The following NTNG2 variants were observed in gnomAD, a reference collection of about 807,000 sequenced individuals.
NTNG2 encodes the protein netrin-G2.
NTNG2 carries 15 observed loss-of-function variants against 47.6 expected under a neutral mutation model. The observed-to-expected ratio is 0.32, with a 90% CI of 0.21 to 0.49. The LOEUF is 0.49. Among genes scored for constraint, NTNG2 ranks in the 20% least tolerant of loss-of-function variants. NTNG2 has a pLI of 0.99. For missense variants in NTNG2, 578 were observed against 764.6 expected (o/e 0.76, Z 2.88); for synonymous variants, 307 against 324.6 (o/e 0.95, Z 0.58).
rs112179857 is a variant in NTNG2, at chr9:132,162,555, T to TGTGTGA, written c.-484+317_-484+318insTGTGAG. Among the ~76,000 whole-genome samples, 1,266 of 139,462 alleles carry TGTGTGA rather than the reference T, an allele frequency of 9.1e-3. 47 individuals are homozygous for TGTGTGA. The highest frequency in any genetic ancestry group is 0.032 in the African/African-American group (1,183 of 36,854). 91.5% of individuals were successfully genotyped at this position (139,462 alleles called of 152,430 possible). A position where few individuals can be genotyped will look rare whatever the true frequency, so the allele number is the denominator to read the frequency against. On this transcript the variant is annotated intron_variant, in intron 1 of 7. Transcript: ENST00000393229. This position sits in a 1 kb window ranked among gnomAD's most constrained non-coding sequence, Gnocchi z 4.6. ...GTGAGAGTGTGTGTGTGTGTGTGTG[T>TGTGTGA]GAGAGAGAGACAGAGTGTGTGTGTG...
At chr9:132,216,661 G>T (rs77920123) in intron 3 of NTNG2, among the ~76,000 whole-genome samples, 1 of 152,156 alleles carries the variant, frequency 6.6e-6, no homozygotes. Flanking sequence ...GTGCTGTGTC[G>T]GGGGATCAGG....
In NTNG2 at chr9:132,226,934, G is replaced by T; in HGVS notation, c.943G>T (p.Asp315Tyr). Residue 315 changes from aspartate to tyrosine, a missense_variant, in exon 4 of 8, where the codon GAC becomes TAC. By Grantham distance (160) the Asp-to-Tyr change is radical. Transcript: ENST00000393229. This position sits in a 1 kb window ranked among gnomAD's most constrained non-coding sequence, Gnocchi z 4.8. ...CECEHNTTGP[D>Y]CGKCKKNFRT... ...GTGCGAGCACAACACCACCGGCCCC[G>T]ACTGCGGCAAGTGCAAGAAGAATTT... is the stretch of plus-strand genomic sequence containing the variant. The T allele has an allele frequency of 6.2e-7, 1 of 1,612,846 alleles. No homozygotes were observed. The highest frequency in any genetic ancestry group is 1.7e-5 in the Admixed American group (1 of 59,978).
intron 2 of NTNG2, among the ~76,000 whole-genome samples, chr9:132,174,343 G>A (rs1353751198): frequency 2.8e-5 from 4 of 140,922 alleles, no homozygotes; most frequent in South Asian, 4.7e-4. Flanking sequence ...CAGACAGGTC[G>A]AACCATGCTG....
chr9:132,196,587 G>C (rs1035722148), intron 2 of NTNG2, among the ~76,000 whole-genome samples: 2 of 152,128 alleles, frequency 1.3e-5, no homozygotes, highest in African/African-American at 2.4e-5. Flanking sequence ...CCCTGTGCTC[G>C]GCCTAGTCAT....
Position 132,241,867 on chromosome 9 carries a change from C to A in NTNG2, c.1358-9C>A. On this transcript the variant is annotated splice_polypyrimidine_tract_variant and intron_variant, in intron 7 of 7. Transcript: ENST00000393229. ...CACCCCCCGTGCTGACCGCCCCCTC[C>A]GCCTGCAGCCAACGTGTGCGACGAC... The A allele has an allele frequency of 6.4e-7, 1 of 1,554,526 alleles. No homozygotes were observed. The highest frequency in any genetic ancestry group is 8.6e-7 in the Non-Finnish European group (1 of 1,156,754).
Position 132,180,726 on chromosome 9 carries a change from A to G in NTNG2, c.213+13682A>G, listed in dbSNP as rs1291803521. Among the ~76,000 whole-genome samples, 2 of 152,204 alleles carry G rather than the reference A, an allele frequency of 1.3e-5. No individual in the cohort carries two copies. Among genetic ancestry groups the G allele is most frequent in the African/African-American group, 4.8e-5 (2 of 41,446 alleles). On this transcript the variant is annotated intron_variant, in intron 2 of 7. Coordinates refer to ENST00000393229, the MANE Select transcript of NTNG2 (RefSeq NM_032536.4). This position sits in a 1 kb window ranked among gnomAD's most constrained non-coding sequence, Gnocchi z 4.2. Reference sequence around the variant, plus strand: ...AGAGAAAGAACGATAGAGAGATGCAATAACCTCCCAGCATCCAGGAAGACC... The same window carrying G: ...AGAGAAAGAACGATAGAGAGATGCAGTAACCTCCCAGCATCCAGGAAGACC...
intron 2 of NTNG2, among the ~76,000 whole-genome samples, chr9:132,191,261 C>A (rs1187432963): frequency 2.0e-5 from 3 of 152,130 alleles, no homozygotes; most frequent in South Asian, 2.1e-4. Context: ...CATGCACAAG[C>A]CTGGTGGTCT....
At chr9:132,177,289 T>C (rs992053292) in intron 2 of NTNG2, among the ~76,000 whole-genome samples, 3 of 152,134 alleles carry the variant, frequency 2.0e-5, no homozygotes, top group African/African-American at 7.2e-5. Flanking sequence ...GCCCAGCCTA[T>C]TTTAAATTTA....
intron 3 of NTNG2, among the ~76,000 whole-genome samples, chr9:132,207,097 G>A (rs996449961): frequency 4.6e-5 from 7 of 152,242 alleles, no homozygotes; most frequent in Admixed American, 1.3e-4. Context: ...GCAGCACTAG[G>A]CAGAATCGGG....
intron 3 of NTNG2, among the ~76,000 whole-genome samples, chr9:132,224,847 G>A (rs1346670478): frequency 6.6e-6 from 1 of 152,110 alleles, no homozygotes; most frequent in Non-Finnish European, 1.5e-5. Flanking sequence ...ACCAACTAGT[G>A]AATCTTCTTG....
intron 5 of NTNG2, 175 bp from the exon 6 acceptor site, chr9:132,238,929 T>C: frequency 1.4e-6 from 1 of 691,876 alleles, no homozygotes; most frequent in Non-Finnish European, 2.6e-6. Flanking sequence ...CAGGGAGGCC[T>C]CTCTCTTCCT....
Position 132,244,115 on chromosome 9 carries a change from A to T in NTNG2, c.*2004A>T, listed in dbSNP as rs1033677850. 6.6e-6 allele frequency: 1 copy of T among 152,196 alleles called. No homozygotes were observed. Among genetic ancestry groups the T allele is most frequent in the Admixed American group, 6.6e-5 (1 of 15,264 alleles). The allele number at this position is 152,196 out of a possible 1,614,324, so 9.4% of individuals were successfully genotyped here. A position where few individuals can be genotyped will look rare whatever the true frequency, so the allele number is the denominator to read the frequency against. ...GGGTGGGCTTCCAGAAAGTTCTTAA[A>T]AGTCATCCCTTCCTCCACGCCCCAC... On this transcript the variant is annotated 3_prime_UTR_variant, in exon 8 of 8. Transcript: ENST00000393229.
chr9:132,201,890 G>C (rs1838785896), intron 3 of NTNG2, among the ~76,000 whole-genome samples: 1 of 152,148 alleles, frequency 6.6e-6, no homozygotes, highest in African/African-American at 2.4e-5. Flanking sequence ...CCCCGCGGGG[G>C]CAGCGCTCCC....
chr9:132,189,248 CTTTTT>C lies in NTNG2; in HGVS notation c.214-8716_214-8712del, dbSNP rs747192397. Reference sequence around the variant, plus strand: ...TGTGCCACCATGCCCGGCTAGTTTTCTTTTTTGTTTTTTGAGGTTTTTTTCTGTAG... The same window carrying C: ...TGTGCCACCATGCCCGGCTAGTTTTCTGTTTTTTGAGGTTTTTTTCTGTAG... On this transcript the variant is annotated intron_variant, in intron 2 of 7. Transcript: ENST00000393229. Among the ~76,000 whole-genome samples, 3 of 151,196 alleles carry C rather than the reference CTTTTT, an allele frequency of 2.0e-5. No individual in the cohort carries two copies. In the East Asian group the frequency reaches 5.8e-4, roughly 29 times the overall value.
chr9:132,228,380 G>T (rs934431392), intron 4 of NTNG2, among the ~76,000 whole-genome samples: 7 of 152,174 alleles, frequency 4.6e-5, no homozygotes, highest in African/African-American at 1.7e-4. Context: ...CACTCCAGCC[G>T]CTGCCTCCTC....
Position 132,231,587 on chromosome 9 carries a change from G to C in NTNG2, c.1054+992G>C. The C allele has an allele frequency of 3.2e-6, 1 of 310,764 alleles. No individual in the cohort carries two copies. Among genetic ancestry groups the C allele is most frequent in the South Asian group, 2.3e-5 (1 of 42,660 alleles). The allele number at this position is 310,764 out of a possible 1,614,324, so 19.3% of individuals were successfully genotyped here. On this transcript the variant is annotated intron_variant, in intron 5 of 7. Coordinates refer to ENST00000393229, the MANE Select transcript of NTNG2 (RefSeq NM_032536.4). The surrounding 1 kb of genome is among the most constrained non-coding windows in gnomAD (Gnocchi z 4.1). The stretch of plus-strand genomic sequence containing the variant: ...AGCCGTCGTAAGTTGCTTCTCTGTG[G>C]TGTCCCCACCCCGGCAACCCCCCAA...
At chr9:132,165,020 A>G (rs1280656431) in intron 1 of NTNG2, among the ~76,000 whole-genome samples, 1 of 152,234 alleles carries the variant, frequency 6.6e-6, no homozygotes, top group East Asian at 1.9e-4. Flanking sequence ...CAGGAGGTGA[A>G]GAGGATGTCA....
At chr9:132,172,187 C>T (rs905974667) in intron 2 of NTNG2, among the ~76,000 whole-genome samples, 4 of 152,146 alleles carry the variant, frequency 2.6e-5, no homozygotes, top group African/African-American at 9.7e-5. Flanking sequence ...TCAAGGCTTC[C>T]GCTTCTACCT....
rs1835104809 is a variant in NTNG2 at position 132,162,465 on chromosome 9, G to A, written c.-484+226G>A. 6.6e-6 allele frequency among the ~76,000 whole-genome samples: 1 copy of A among 152,102 alleles called. No homozygotes were observed. Among genetic ancestry groups the A allele is most frequent in the Middle Eastern group, 3.4e-3 (1 of 294 alleles). On this transcript the variant is annotated intron_variant, in intron 1 of 7. Transcript: ENST00000393229. This position sits in a 1 kb window ranked among gnomAD's most constrained non-coding sequence, Gnocchi z 4.6. ...AGGGGTGTGTGAGGGTGCGTTCTTAGCAGCATCTTAAAGGGGTAGCTTGTC... is the reference window on the plus strand; with the variant it reads ...AGGGGTGTGTGAGGGTGCGTTCTTAACAGCATCTTAAAGGGGTAGCTTGTC...
Sources: gnomAD v4.1 joint callset for allele counts (sites outside exome capture counted in the v4.1 genomes callset) on GRCh38, gnomAD v4.1.1 for gene constraint, Gnocchi (gnomAD v3.1) non-coding constraint, MANE v1.5 for transcripts, NCBI Gene and HGNC (gene_info 2026-07-23, HGNC 2026-07-21) for gene names.